Variants in WDR70 observed in about 807,000 individuals in gnomAD.
WDR70 encodes the protein WD repeat domain 70, also known as WD repeat-containing protein 70.
A neutral mutation model predicts 88.6 loss-of-function variants in WDR70; 53 were observed. The ratio of observed to expected loss-of-function variants is 0.60; its 90% confidence interval spans 0.48 to 0.75. WDR70 has a LOEUF of 0.75. Among genes scored for constraint, WDR70 ranks in the 30% least tolerant of loss-of-function variants. The pLI is 0.00. For synonymous variants in WDR70, 280 were observed against 270.0 expected, an observed-to-expected ratio of 1.04 and a Z score of -0.36; for missense variants, 610 against 823.2, an observed-to-expected ratio of 0.74 and a Z score of 3.17.
rs1337248910 is a variant in WDR70, at chr5:37,703,004, C to G, written c.1333C>G (p.Gln445Glu). ...DKLIVTGTSIQRGCGSGKLVF... is the reference protein window; with the variant it reads ...DKLIVTGTSIERGCGSGKLVF... Reference sequence around the variant, plus strand: ...GCTCATAGTCACTGGTACATCTATTCAAAGAGGATGTGGCAGCGGCAAACT... The same window carrying G: ...GCTCATAGTCACTGGTACATCTATTGAAAGAGGATGTGGCAGCGGCAAACT... The change falls in exon 13 of 18, where the codon CAA becomes GAA. Residue 445 changes from glutamine to glutamate, a missense_variant. Gln to Glu is a conservative substitution (Grantham distance 29). Transcript: ENST00000265107. 1 of 1,613,872 alleles carries G rather than the reference C, an allele frequency of 6.2e-7. No homozygotes were observed. The highest frequency in any genetic ancestry group is 1.1e-5 in the South Asian group (1 of 91,054).
At chr5:37,475,899 G>A (rs540477564) in intron 7 of WDR70, among the ~76,000 whole-genome samples, 10 of 140,398 alleles carry the variant, frequency 7.1e-5, no homozygotes, top group African/African-American at 2.6e-4. Context: ...AGGCTGGAGT[G>A]CAATGGCGTG....
intron 7 of WDR70, among the ~76,000 whole-genome samples, chr5:37,448,414 A>G (rs971893218): frequency 5.3e-5 from 8 of 152,134 alleles, no homozygotes; most frequent in South Asian, 4.1e-4. Context: ...AGGCATGCTC[A>G]TTGATATTGG....
At chr5:37,592,256 A>T (rs572286401) in intron 9 of WDR70, among the ~76,000 whole-genome samples, 45 of 152,306 alleles carry the variant, frequency 3.0e-4, no homozygotes, top group African/African-American at 7.9e-4. Context: ...ATTTAAAAAA[A>T]TTTTTTGCAT....
chr5:37,492,764 C>G (rs1740103574), intron 8 of WDR70, among the ~76,000 whole-genome samples: 1 of 152,068 alleles, frequency 6.6e-6, no homozygotes, highest in Non-Finnish European at 1.5e-5. Flanking sequence ...TATGAGAAAA[C>G]CAAGGGAAGT....
chr5:37,737,538 G>A (rs1175110693), intron 17 of WDR70, among the ~76,000 whole-genome samples: 1 of 152,206 alleles, frequency 6.6e-6, no homozygotes, highest in Non-Finnish European at 1.5e-5. Context: ...ACCCCCTGGC[G>A]AGTTACCTTC....
intron 9 of WDR70, among the ~76,000 whole-genome samples, chr5:37,536,829 G>T (rs1741678962): frequency 6.6e-6 from 1 of 151,912 alleles, no homozygotes; most frequent in African/African-American, 2.4e-5. Flanking sequence ...TCAATTTTAT[G>T]TTGACAAGAA....
chr5:37,414,601 G>GTTTT (rs765190732), intron 5 of WDR70, among the ~76,000 whole-genome samples: 7 of 121,266 alleles, frequency 5.8e-5, no homozygotes, highest in Admixed American at 1.7e-4. Flanking sequence ...AGGACAGTCT[G>GTTTT]TTTTTTTTTT....
intron 10 of WDR70, among the ~76,000 whole-genome samples, chr5:37,650,344 T>C (rs1745367142): frequency 6.6e-6 from 1 of 151,776 alleles, no homozygotes; most frequent in Non-Finnish European, 1.5e-5. Context: ...GAGCTTGCAG[T>C]TAGCCGAGAT....
At position 37,538,948 on chromosome 5, in the gene WDR70, C is replaced by T. The variant is rs373749979; in HGVS notation, c.917+22358C>T. On this transcript the variant is annotated intron_variant, in intron 9 of 17. Coordinates refer to ENST00000265107, the MANE Select transcript of WDR70 (RefSeq NM_018034.4). ...ATTGTAATAGTGTACCAAGTGAGAA[C>T]ATAAATGACACTAGTATAATCTGAG... 3.0e-4 allele frequency among the ~76,000 whole-genome samples: 46 copies of T among 152,256 alleles called. 1 individual carries two copies. In the South Asian group the frequency reaches 9.3e-3, roughly 31 times the overall value.
At position 37,563,559 on chromosome 5, in the gene WDR70, A is replaced by AC. The variant is rs1375432573; in HGVS notation, c.918-41496dup. ...GGGCGGCTGGCCGGGCGGGGGGCTG[A>AC]CCCCCCCCCACCTCCCTCCCGGACG... On this transcript the variant is annotated intron_variant, in intron 9 of 17. Coordinates refer to ENST00000265107, the MANE Select transcript of WDR70 (RefSeq NM_018034.4). Among the ~76,000 whole-genome samples, 7 of 31,370 alleles carry AC rather than the reference A, an allele frequency of 2.2e-4. 1 individual carries two copies. Among genetic ancestry groups the AC allele is most frequent in the Admixed American group, 4.1e-4 (1 of 2,414 alleles). The allele number at this position is 31,370 out of a possible 152,430, so 20.6% of individuals were successfully genotyped here.
At chr5:37,419,184 T>G (rs1355446471) in intron 5 of WDR70, among the ~76,000 whole-genome samples, 2 of 151,844 alleles carry the variant, frequency 1.3e-5, no homozygotes, top group Non-Finnish European at 2.9e-5. Context: ...GCTGTTTAAC[T>G]CATGTTTCAT....
At chr5:37,463,367 T>A (rs562623688) in intron 7 of WDR70, among the ~76,000 whole-genome samples, 77 of 152,100 alleles carry the variant, frequency 5.1e-4, no homozygotes, top group African/African-American at 1.7e-3. Flanking sequence ...ATCCCTGAAC[T>A]CCTGACTCAC....
intron 13 of WDR70, among the ~76,000 whole-genome samples, chr5:37,706,752 C>A (rs939667700): frequency 1.3e-5 from 2 of 150,228 alleles, no homozygotes; most frequent in African/African-American, 4.9e-5. Flanking sequence ...CACAGACTCA[C>A]ACTCACACTC....
At chr5:37,576,834 T>A (rs553881794) in intron 9 of WDR70, among the ~76,000 whole-genome samples, 1 of 152,260 alleles carries the variant, frequency 6.6e-6, no homozygotes, top group African/African-American at 2.4e-5. Flanking sequence ...TCATCAAATT[T>A]ATTTTTATTT....
intron 9 of WDR70, among the ~76,000 whole-genome samples, chr5:37,592,769 A>G (rs1743569899): frequency 6.6e-6 from 1 of 152,372 alleles, no homozygotes; most frequent in Middle Eastern, 3.4e-3. Context: ...TGGAATTGCC[A>G]GCCAGTGCAA....
chr5:37,722,796 A>G, intron 14 of WDR70, 59 bp from the exon 15 acceptor site: 8 of 1,521,070 alleles, frequency 5.3e-6, no homozygotes, highest in Non-Finnish European at 7.3e-6. Context: ...TGTTTTCAAC[A>G]TGAAATTTTC....
intron 9 of WDR70, among the ~76,000 whole-genome samples, chr5:37,563,857 T>G (rs1742639635): frequency 9.2e-6 from 1 of 108,304 alleles, no homozygotes; most frequent in African/African-American, 2.9e-5. Flanking sequence ...GATGGGGCGG[T>G]TGCCAGGCAG....
intron 5 of WDR70, among the ~76,000 whole-genome samples, chr5:37,432,359 T>C (rs911465836): frequency 7.9e-5 from 12 of 152,200 alleles, no homozygotes; most frequent in African/African-American, 2.9e-4. Flanking sequence ...TTTACCTTCT[T>C]TGGAGAAATG....
chr5:37,485,858 ATTTTTT>A (rs57109943), intron 8 of WDR70, among the ~76,000 whole-genome samples: 24 of 108,284 alleles, frequency 2.2e-4, no homozygotes, highest in East Asian at 1.8e-3. Context: ...TGCCTGGCTA[ATTTTTT>A]TTTTTTTTTT....
Sources: gnomAD v4.1 joint callset for allele counts (sites outside exome capture counted in the v4.1 genomes callset) on GRCh38, gnomAD v4.1.1 for gene constraint, MANE v1.5 for transcripts, NCBI Gene and HGNC (gene_info 2026-07-23, HGNC 2026-07-21) for gene names.